KCNH5: variants seen among roughly 807,000 people sequenced by gnomAD.
KCNH5 encodes the protein voltage-gated delayed rectifier potassium channel KCNH5.
In KCNH5, 46 loss-of-function variants were observed where a neutral mutation model predicts 96.1. The observed-to-expected ratio is 0.48, with a 90% CI of 0.38 to 0.61. KCNH5 has a LOEUF of 0.61. Ranked by LOEUF, KCNH5 falls within the 20% of genes least tolerant of loss-of-function variation. The pLI is 0.00. For synonymous variants in KCNH5, 439 were observed against 449.8 expected, an observed-to-expected ratio of 0.98 and a Z score of 0.30; for missense variants, 907 against 1,225.8, an observed-to-expected ratio of 0.74 and a Z score of 3.88.
intron 10 of KCNH5, among the ~76,000 whole-genome samples, chr14:62,769,785 C>G (rs946497308): frequency 6.6e-6 from 1 of 152,166 alleles, no homozygotes; most frequent in African/African-American, 2.4e-5. Context: ...TTCATTCATT[C>G]ATTTAATTAT....
At chr14:62,871,555 C>T (rs1888254637) in intron 7 of KCNH5, among the ~76,000 whole-genome samples, 1 of 152,064 alleles carries the variant, frequency 6.6e-6, no homozygotes, top group Admixed American at 6.6e-5. Context: ...ATGTCTAAAA[C>T]AATAGAGTTG....
chr14:62,831,875 GT>G (rs950131677), intron 8 of KCNH5, among the ~76,000 whole-genome samples: 62 of 151,784 alleles, frequency 4.1e-4, no homozygotes, highest in African/African-American at 1.5e-3. Flanking sequence ...TGTCTGGCTA[GT>G]TTTTTTTCTT....
chr14:62,963,976 A>G (rs566700069), intron 6 of KCNH5, among the ~76,000 whole-genome samples: 2 of 152,248 alleles, frequency 1.3e-5, no homozygotes, highest in South Asian at 4.2e-4. Flanking sequence ...AATTTTAATG[A>G]CCATATGTGA....
intron 8 of KCNH5, among the ~76,000 whole-genome samples, chr14:62,833,594 G>C (rs983466762): frequency 6.6e-6 from 1 of 151,994 alleles, no homozygotes; most frequent in East Asian, 1.9e-4. Context: ...TCTTTCTCAA[G>C]ATTGCTTTGG....
intron 9 of KCNH5, among the ~76,000 whole-genome samples, chr14:62,791,732 A>T (rs2932415): frequency 6.6e-6 from 1 of 151,730 alleles, no homozygotes; most frequent in Admixed American, 6.6e-5. Flanking sequence ...TAACAACTGT[A>T]AATATATATG....
intron 6 of KCNH5, among the ~76,000 whole-genome samples, chr14:62,972,601 T>C (rs1434431428): frequency 1.3e-5 from 2 of 152,028 alleles, no homozygotes; most frequent in African/African-American, 4.8e-5. Context: ...CTTGGAAGCA[T>C]CCAAGATGTT....
At chr14:62,762,863 C>T (rs531066298) in intron 10 of KCNH5, among the ~76,000 whole-genome samples, 31 of 152,184 alleles carry the variant, frequency 2.0e-4, no homozygotes, top group African/African-American at 6.3e-4. Context: ...TATACACATA[C>T]CCAACACTAA....
At chr14:63,013,979 A>C (rs1344231849) in intron 2 of KCNH5, among the ~76,000 whole-genome samples, 1 of 152,108 alleles carries the variant, frequency 6.6e-6, no homozygotes, top group Non-Finnish European at 1.5e-5. Flanking sequence ...TCCAAGAAAA[A>C]CTGATAAAGG....
chr14:62,719,241 T>A (rs1884753728), intron 10 of KCNH5, among the ~76,000 whole-genome samples: 1 of 152,258 alleles, frequency 6.6e-6, no homozygotes, highest in African/African-American at 2.4e-5. Context: ...CAGGTCTCCT[T>A]GTTCAAAATT....
At chr14:62,903,596 A>G (rs1888971449) in intron 7 of KCNH5, among the ~76,000 whole-genome samples, 1 of 152,242 alleles carries the variant, frequency 6.6e-6, no homozygotes, top group African/African-American at 2.4e-5. Context: ...TAGCCCGTGT[A>G]GGATGCTGAC....
chr14:62,828,598 G>A (rs1887273216), intron 8 of KCNH5, among the ~76,000 whole-genome samples: 1 of 152,114 alleles, frequency 6.6e-6, no homozygotes, highest in Non-Finnish European at 1.5e-5. Context: ...GATCTTGTGA[G>A]AACTCACTCA....
intron 7 of KCNH5, among the ~76,000 whole-genome samples, chr14:62,918,599 C>G (rs773618468): frequency 6.6e-6 from 1 of 151,966 alleles, no homozygotes; most frequent in African/African-American, 2.4e-5. Flanking sequence ...GCAAAACATA[C>G]AAATGGTCAA....
Position 62,971,581 on chromosome 14 carries a change from G to T in KCNH5, c.942+9291C>A, listed in dbSNP as rs541447991. 5.9e-4 allele frequency among the ~76,000 whole-genome samples: 90 copies of T among 152,126 alleles called. 1 individual carries two copies. Among genetic ancestry groups the T allele is most frequent in the African/African-American group, 2.0e-3 (83 of 41,532 alleles). On this transcript the variant is annotated intron_variant, in intron 6 of 10. Transcript: ENST00000322893. ...TGGAAGTTGAAGAACCAAGTCAGAA[G>T]ACTGATGCTATATGACTTTAAGACT... is the stretch of plus-strand genomic sequence containing the variant.
intron 8 of KCNH5, among the ~76,000 whole-genome samples, chr14:62,839,384 G>A (rs189467262): frequency 1.3e-5 from 2 of 152,246 alleles, no homozygotes; most frequent in Admixed American, 1.3e-4. Context: ...GAGAGAAGTA[G>A]TAGTGGGAGT....
rs188758005 is a variant in KCNH5, at chr14:62,999,357, T to C, written c.433+1974A>G. 1.8e-3 allele frequency among the ~76,000 whole-genome samples: 270 copies of C among 152,324 alleles called. 1 individual carries two copies. Among genetic ancestry groups the C allele is most frequent in the African/African-American group, 6.0e-3 (251 of 41,568 alleles). The stretch of plus-strand genomic sequence containing the variant: ...TTCTTTTGAGAAGTGTCTGTTCATA[T>C]CCTTCGCCCACTTTTTGATGGGGTT... On this transcript the variant is annotated intron_variant, in intron 4 of 10. Transcript: ENST00000322893.
At chr14:62,713,235 C>T (rs550073464) in intron 10 of KCNH5, among the ~76,000 whole-genome samples, 2 of 152,096 alleles carry the variant, frequency 1.3e-5, no homozygotes, top group East Asian at 3.8e-4. Context: ...TTTATAGTTC[C>T]TTCACTATGT....
At chr14:62,731,488 G>C (rs1885049878) in intron 10 of KCNH5, among the ~76,000 whole-genome samples, 1 of 152,046 alleles carries the variant, frequency 6.6e-6, no homozygotes, top group Non-Finnish European at 1.5e-5. Flanking sequence ...GCAAACTGTT[G>C]ATGGTTTACA....
chr14:62,861,047 T>C (rs1280287951), intron 7 of KCNH5, among the ~76,000 whole-genome samples: 2 of 152,168 alleles, frequency 1.3e-5, no homozygotes, highest in Non-Finnish European at 2.9e-5. Flanking sequence ...TGACATGATT[T>C]TTCAAAATCT....
At chr14:62,782,015 T>C (rs1163546801) in intron 9 of KCNH5, among the ~76,000 whole-genome samples, 1 of 152,208 alleles carries the variant, frequency 6.6e-6, no homozygotes, top group Non-Finnish European at 1.5e-5. Flanking sequence ...AACTAATAAA[T>C]GTCCATGAAA....
Sources: allele counts gnomAD v4.1 joint callset (sites outside exome capture counted in the v4.1 genomes callset), GRCh38; gene constraint gnomAD v4.1.1; transcripts MANE v1.5; gene names NCBI Gene and HGNC (gene_info 2026-07-23, HGNC 2026-07-21).